The following MAP2 variants were observed in gnomAD, a reference collection of about 807,000 sequenced individuals.
MAP2 encodes microtubule associated protein 2, also known as microtubule-associated protein 2.
Under a neutral mutation model 137.6 loss-of-function variants are expected in MAP2, and 14 were observed. The observed-to-expected ratio is 0.10, with a 90% CI of 0.07 to 0.16. The LOEUF (loss-of-function observed/expected upper bound fraction) is 0.16. Among genes scored for constraint, MAP2 ranks in the 10% least tolerant of loss-of-function variants. The pLI is 1.00. For missense variants in MAP2, 2,088 were observed against 2,191.5 expected, an observed-to-expected ratio of 0.95 and a Z score of 0.94; for synonymous variants, 786 against 782.3, an observed-to-expected ratio of 1.00 and a Z score of -0.08.
In MAP2 at chr2:209,443,216, G is replaced by GT. The variant is rs143329860; in HGVS notation, c.-222+18952dup. ...ACTTGCTCTGTTCTTCCCATTATAGGTTTTTTTTTTTTCTCCTTGGCTAGC... is the reference window on the plus strand; with the variant it reads ...ACTTGCTCTGTTCTTCCCATTATAGGTTTTTTTTTTTTTCTCCTTGGCTAGC... On this transcript the variant is annotated intron_variant, in intron 1 of 15. Coordinates refer to ENST00000682079, the MANE Select transcript of MAP2 (RefSeq NM_001375505.1). 9.5e-3 allele frequency among the ~76,000 whole-genome samples: 1,391 copies of GT among 146,252 alleles called. 13 individuals carry two copies. Among genetic ancestry groups the GT allele is most frequent in the Middle Eastern group, 0.039 (11 of 284 alleles).
intron 1 of MAP2, among the ~76,000 whole-genome samples, chr2:209,490,288 A>G (rs2365660): frequency 1 from 152,203 of 152,210 alleles, 76,098 homozygotes; most frequent in Non-Finnish European, 1. Flanking sequence ...CGCTAAATGT[A>G]GCAAGGAAAA....
chr2:209,617,251 T>C (rs970141674), intron 3 of MAP2, among the ~76,000 whole-genome samples: 1 of 152,150 alleles, frequency 6.6e-6, no homozygotes, highest in African/African-American at 2.4e-5. Flanking sequence ...AACTGCTTCC[T>C]AGGCCTTCAT....
chr2:209,474,067 G>T (rs1706515249), intron 1 of MAP2, among the ~76,000 whole-genome samples: 1 of 152,068 alleles, frequency 6.6e-6, no homozygotes, highest in Admixed American at 6.6e-5. Flanking sequence ...TTCTAACATT[G>T]AACCGATCTG....
chr2:209,493,467 C>T lies in MAP2; in HGVS notation c.-221-14125C>T, dbSNP rs184974946. ...CTAATGAAACTAAAGAGCTTCTGCACAGCAAAAGAAACTGTCATCAGAGTG... is the reference window on the plus strand; with the variant it reads ...CTAATGAAACTAAAGAGCTTCTGCATAGCAAAAGAAACTGTCATCAGAGTG... On this transcript the variant is annotated intron_variant, in intron 1 of 15. Transcript: ENST00000682079. Among the ~76,000 whole-genome samples the T allele has an allele frequency of 1.2e-3, 176 of 152,254 alleles. 1 individual carries two copies. The highest frequency in any genetic ancestry group is 3.6e-3 in the African/African-American group (150 of 41,554).
At chr2:209,582,941 G>A (rs900256965) in intron 3 of MAP2, among the ~76,000 whole-genome samples, 11 of 152,202 alleles carry the variant, frequency 7.2e-5, no homozygotes, top group African/African-American at 2.2e-4. Flanking sequence ...TGAGACTACA[G>A]TTGGGCAAAC....
At chr2:209,447,183 T>A (rs1699273709) in intron 1 of MAP2, among the ~76,000 whole-genome samples, 1 of 152,000 alleles carries the variant, frequency 6.6e-6, no homozygotes, top group African/African-American at 2.4e-5. Context: ...GACTAAAACA[T>A]CCTTTTTGTT....
At chr2:209,640,708 A>T (rs1316206866) in intron 4 of MAP2, among the ~76,000 whole-genome samples, 1 of 152,128 alleles carries the variant, frequency 6.6e-6, no homozygotes, top group Non-Finnish European at 1.5e-5. Context: ...GACTGAGCAG[A>T]TCCCATAAAG....
At chr2:209,636,113 C>G (rs975432542) in intron 4 of MAP2, among the ~76,000 whole-genome samples, 1 of 152,068 alleles carries the variant, frequency 6.6e-6, no homozygotes, top group African/African-American at 2.4e-5. Context: ...ATCAAGGACT[C>G]CAGTTGTACC....
intron 4 of MAP2, among the ~76,000 whole-genome samples, chr2:209,646,735 A>G (rs1468605772): frequency 6.6e-6 from 1 of 152,082 alleles, no homozygotes; most frequent in African/African-American, 2.4e-5. Flanking sequence ...CATAGTACCC[A>G]TGTTTTATAG....
intron 2 of MAP2, among the ~76,000 whole-genome samples, chr2:209,536,409 C>T (rs531903333): frequency 1.6e-4 from 25 of 152,286 alleles, no homozygotes; most frequent in African/African-American, 5.8e-4. Context: ...TACTGTTACC[C>T]AGCTTCTTTA....
intron 2 of MAP2, among the ~76,000 whole-genome samples, chr2:209,524,188 A>G (rs919406290): frequency 6.6e-6 from 1 of 152,198 alleles, no homozygotes; most frequent in African/African-American, 2.4e-5. Context: ...TCAGTGATGC[A>G]TAAAGGCATT....
At chr2:209,526,047 A>G (rs1027534002) in intron 2 of MAP2, among the ~76,000 whole-genome samples, 10 of 151,862 alleles carry the variant, frequency 6.6e-5, no homozygotes, top group African/African-American at 2.4e-4. Flanking sequence ...TTCTCATGTT[A>G]TGTCATGATT....
At position 209,729,444 on chromosome 2, in the gene MAP2, A is replaced by G. The variant is rs565091646; in HGVS notation, c.5156-406A>G. On this transcript the variant is annotated intron_variant, in intron 14 of 15. Transcript: ENST00000682079. ...ACCTGTTACCATGAATATAAAGAAG[A>G]GTTTCATTTAAATTTAATTTGGTCC... Among the ~76,000 whole-genome samples the G allele has an allele frequency of 2.6e-5, 4 of 152,314 alleles. No homozygotes were observed. The South Asian group carries it at 8.3e-4, about 32-fold the overall frequency.
At chr2:209,437,994 C>A (rs1026306713) in intron 1 of MAP2, among the ~76,000 whole-genome samples, 6 of 151,514 alleles carry the variant, frequency 4.0e-5, no homozygotes, top group East Asian at 1.9e-4. Flanking sequence ...TAGTCAGAAC[C>A]AGATTTCAAC....
At position 209,693,800 on chromosome 2, in the gene MAP2, A is replaced by G. The variant is rs1483916842; in HGVS notation, c.1630A>G (p.Lys544Glu). 2.5e-6 allele frequency: 4 copies of G among 1,613,992 alleles called. No homozygotes were observed. In the African/African-American group the frequency reaches 5.3e-5, roughly 22 times the overall value. Residue 544 changes from lysine to glutamate, a missense_variant, in exon 8 of 16, where the codon AAA becomes GAA. Physicochemically the swap from Lys to Glu is moderately conservative, Grantham distance 56. Around this residue, in one of 6 missense-constraint regions of MAP2, gnomAD observed 859 missense variants for 794.5 expected, o/e 1.08. Transcript: ENST00000682079. ...QELFEMRVDD[K>E]DKIEGVGAAT... ...ACTTTTTGAAATGAGAGTTGATGAC[A>G]AAGATAAGATTGAAGGAGTTGGAGC...
chr2:209,528,396 AAGAT>A (rs1296266518), intron 2 of MAP2, among the ~76,000 whole-genome samples: 2 of 152,218 alleles, frequency 1.3e-5, no homozygotes, highest in African/African-American at 4.8e-5. Context: ...GTTTTAGAGA[AAGAT>A]AGGAATGGTT....
chr2:209,625,276 A>ATATTATAT (rs1403565634), intron 4 of MAP2, 147 bp downstream of exon 4: 7 of 152,164 alleles, frequency 4.6e-5, no homozygotes, highest in Non-Finnish European at 7.3e-5. Context: ...CTAATATTTT[A>ATATTATAT]ATAGTTATAG....
chr2:209,510,515 C>T (rs561898256), intron 2 of MAP2, among the ~76,000 whole-genome samples: 4 of 151,948 alleles, frequency 2.6e-5, no homozygotes, highest in South Asian at 2.1e-4. Flanking sequence ...AGGTGAGTAA[C>T]GTGTACATTA....
intron 1 of MAP2, among the ~76,000 whole-genome samples, chr2:209,456,915 T>C (rs1268296022): frequency 6.6e-6 from 1 of 152,184 alleles, no homozygotes; most frequent in African/African-American, 2.4e-5. Flanking sequence ...AGATAAATTG[T>C]CATCATTATA....
Sources: gnomAD v4.1 joint callset for allele counts (sites outside exome capture counted in the v4.1 genomes callset) on GRCh38, gnomAD v4.1.1 for gene constraint, gnomAD v4.1.1 regional missense constraint, MANE v1.5 for transcripts, NCBI Gene and HGNC (gene_info 2026-07-23, HGNC 2026-07-21) for gene names.